The following DLGAP4 variants were observed in gnomAD, a reference collection of about 807,000 sequenced individuals.
DLGAP4 encodes the protein disks large-associated protein 4.
In DLGAP4, 18 loss-of-function variants were observed where a neutral mutation model predicts 86.9. The ratio of observed to expected loss-of-function variants is 0.21; its 90% CI spans 0.14 to 0.31. The LOEUF (loss-of-function observed/expected upper bound fraction) is 0.31. Ranked by LOEUF, DLGAP4 falls within the 10% of genes least tolerant of loss-of-function variation. The probability of loss-of-function intolerance (pLI) is 1.00; values close to 1 mark genes in which losing one functional copy is unlikely to be tolerated. For missense variants in DLGAP4, 1,085 were observed against 1,362.6 expected, an observed-to-expected ratio of 0.80 and a Z score of 3.21; for synonymous variants, 548 against 574.3, an observed-to-expected ratio of 0.95 and a Z score of 0.65.
At chr20:36,376,567 G>T (rs1421054184) in intron 2 of DLGAP4, among the ~76,000 whole-genome samples, 1 of 152,200 alleles carries the variant, frequency 6.6e-6, no homozygotes, top group African/African-American at 2.4e-5. Flanking sequence ...ATGGCACAGA[G>T]TGGCGTTTAG....
chr20:36,376,818 C>G (rs1239157761), intron 2 of DLGAP4, among the ~76,000 whole-genome samples: 2 of 152,124 alleles, frequency 1.3e-5, no homozygotes, highest in African/African-American at 2.4e-5. Context: ...TCAGTTTTCT[C>G]CTATGTAAAG....
rs530779233 is a variant in DLGAP4, at chr20:36,446,906, C to T, written c.1617C>T (p.Thr539=). The T allele has an allele frequency of 2.1e-4, 335 of 1,611,862 alleles. 1 individual carries two copies. The South Asian group carries it at 3.2e-3, about 15-fold the overall frequency. ...AGTCCCTCTCCCCACCGCCCAGTAC[C>T]GGCAGCCTCAGCAATAGTCGCACGC... ...SLQSLSPPPS[T]GSLSNSRTLP... The change falls in exon 7 of 13, where the codon ACC becomes ACT. Residue 539 remains threonine (T), a synonymous_variant. Transcript: ENST00000339266.
intron 1 of DLGAP4, among the ~76,000 whole-genome samples, chr20:36,311,217 A>G (rs2065050020): frequency 6.9e-6 from 1 of 144,336 alleles, no homozygotes; most frequent in East Asian, 1.9e-4. Flanking sequence ...GTGGCTGCCC[A>G]AGGTCACTCG....
At chr20:36,338,750 G>T (rs1288458331) in intron 1 of DLGAP4, among the ~76,000 whole-genome samples, 1 of 152,366 alleles carries the variant, frequency 6.6e-6, no homozygotes, top group South Asian at 2.1e-4. Context: ...GAATGCAACC[G>T]TGCCACACAG....
Position 36,527,329 on chromosome 20 carries a change from A to G in DLGAP4, c.*298A>G, listed in dbSNP as rs2037832989. The G allele has an allele frequency of 3.7e-6, 1 of 268,418 alleles. No individual in the cohort carries two copies. Among genetic ancestry groups the G allele is most frequent in the Non-Finnish European group, 7.1e-6 (1 of 140,190 alleles). 16.6% of individuals were successfully genotyped at this position (268,418 alleles called of 1,614,324 possible). On this transcript the variant is annotated 3_prime_UTR_variant, in exon 13 of 13. Coordinates refer to ENST00000339266, the MANE Select transcript of DLGAP4 (RefSeq NM_001365621.2). ...GATGGACGTCGGCAACTCCCGGCCC[A>G]GCCTCCATACTGCGGTCTTTTTACT...
intron 1 of DLGAP4, among the ~76,000 whole-genome samples, chr20:36,330,262 G>T (rs576663954): frequency 3.3e-5 from 5 of 152,294 alleles, no homozygotes; most frequent in East Asian, 1.9e-4. Flanking sequence ...AGGGTTTTGT[G>T]GGGGAGGTTC....
At chr20:36,320,781 C>T (rs906728714) in intron 1 of DLGAP4, among the ~76,000 whole-genome samples, 10 of 152,204 alleles carry the variant, frequency 6.6e-5, no homozygotes, top group East Asian at 3.9e-4. Context: ...GGCCCTCTAC[C>T]GACTTTGGAC....
At chr20:36,456,418 G>C (rs1304207188) in intron 7 of DLGAP4, among the ~76,000 whole-genome samples, 1 of 152,220 alleles carries the variant, frequency 6.6e-6, no homozygotes, top group Non-Finnish European at 1.5e-5. Context: ...TGGGCAGGAT[G>C]GATTAGAGGC....
intron 2 of DLGAP4, among the ~76,000 whole-genome samples, chr20:36,400,577 A>G (rs1423579007): frequency 6.6e-6 from 1 of 152,140 alleles, no homozygotes; most frequent in African/African-American, 2.4e-5. Flanking sequence ...TATTTTCTAT[A>G]AAAATGGCAT....
intron 4 of DLGAP4, 31 bp downstream of exon 4, chr20:36,436,381 G>A (rs547938501): frequency 2.6e-6 from 4 of 1,555,354 alleles, no homozygotes; most frequent in Admixed American, 1.8e-5. Context: ...TTACGGTCCC[G>A]CCCAGAGGCA....
At chr20:36,387,980 T>G (rs1600469016) in intron 2 of DLGAP4, among the ~76,000 whole-genome samples, 1 of 152,206 alleles carries the variant, frequency 6.6e-6, no homozygotes, top group Non-Finnish European at 1.5e-5. Flanking sequence ...CTGCTCATTA[T>G]AAGTTCTTGA....
chr20:36,484,950 C>A (rs1416040049), intron 7 of DLGAP4, among the ~76,000 whole-genome samples: 1 of 152,064 alleles, frequency 6.6e-6, no homozygotes, highest in Admixed American at 6.5e-5. Context: ...TCAAATGATT[C>A]TTCTATTGAT....
intron 2 of DLGAP4, among the ~76,000 whole-genome samples, chr20:36,424,851 TCTG>T (rs1435750672): frequency 6.6e-6 from 1 of 151,934 alleles, no homozygotes; most frequent in Admixed American, 6.6e-5. Context: ...TTCTCCTGCC[TCTG>T]CCTCCCAAGT....
chr20:36,516,927 A>AC (rs781398240), intron 10 of DLGAP4, among the ~76,000 whole-genome samples: 2 of 151,804 alleles, frequency 1.3e-5, no homozygotes, highest in African/African-American at 4.8e-5. Context: ...CCCACGAAAC[A>AC]CCATGCCTGG....
At chr20:36,526,179 C>A in intron 12 of DLGAP4, 173 bp downstream of exon 12, 1 of 915,792 alleles carries the variant, frequency 1.1e-6, no homozygotes, top group Non-Finnish European at 1.7e-6. Context: ...TGGCATGCCG[C>A]TTGCTCCGTG....
rs562740907 is a variant in DLGAP4 at position 36,308,666 on chromosome 20, G to T, written c.-304+2154G>T. Among the ~76,000 whole-genome samples, 3 of 152,182 alleles carry T rather than the reference G, an allele frequency of 2.0e-5. 1 individual carries two copies. The South Asian group carries it at 6.2e-4, about 32-fold the overall frequency. On this transcript the variant is annotated intron_variant, in intron 1 of 12. Transcript: ENST00000339266. The surrounding 1 kb of genome is among the most constrained non-coding windows in gnomAD (Gnocchi z 4.5). ...GTGTGGTTTGTGAGCCACAGGCTTC[G>T]TAAATGCCAGCAGTTTCACATGATG...
intron 7 of DLGAP4, among the ~76,000 whole-genome samples, chr20:36,448,160 T>C (rs1004659752): frequency 1.3e-5 from 2 of 151,996 alleles, no homozygotes; most frequent in Non-Finnish European, 2.9e-5. Context: ...GAGACCAGCC[T>C]GGGCAACATG....
intron 1 of DLGAP4, among the ~76,000 whole-genome samples, chr20:36,329,229 T>C (rs1377213422): frequency 1.3e-5 from 2 of 152,104 alleles, no homozygotes; most frequent in Non-Finnish European, 2.9e-5. Flanking sequence ...ATTTTATCTA[T>C]GTTTGGCCTG....
intron 1 of DLGAP4, among the ~76,000 whole-genome samples, chr20:36,356,680 A>C (rs2030341253): frequency 6.6e-6 from 1 of 152,064 alleles, no homozygotes; most frequent in South Asian, 2.1e-4. Context: ...TTTTGTAAAA[A>C]AAAAAAAAAA....
Sources: gnomAD v4.1 joint callset for allele counts (sites outside exome capture counted in the v4.1 genomes callset) on GRCh38, gnomAD v4.1.1 for gene constraint, Gnocchi (gnomAD v3.1) non-coding constraint, MANE v1.5 for transcripts, NCBI Gene and HGNC (gene_info 2026-07-23, HGNC 2026-07-21) for gene names.